Variants in TRIOBP observed in about 807,000 individuals in gnomAD.
TRIOBP encodes the protein TRIO and F-actin-binding protein.
A neutral mutation model predicts 238.8 loss-of-function variants in TRIOBP; 169 were observed. That is an observed-to-expected ratio of 0.71 (90% CI 0.62 to 0.80). The LOEUF is 0.80. Among genes scored for constraint, TRIOBP ranks in the 30% least tolerant of loss-of-function variants. TRIOBP has a pLI of 0.00. For missense variants in TRIOBP, 2,838 were observed against 3,122.6 expected (o/e 0.91, Z 2.17); for synonymous variants, 1,150 against 1,274.4 (o/e 0.90, Z 2.08).
intron 15 of TRIOBP, among the ~76,000 whole-genome samples, chr22:37,756,227 G>A (rs1179708947): frequency 6.6e-6 from 1 of 152,228 alleles, no homozygotes; most frequent in Non-Finnish European, 1.5e-5. Context: ...TTGGGAGGCT[G>A]AGATGGGAGG....
chr22:37,713,309 G>C lies in TRIOBP; in HGVS notation c.354G>C (p.Leu118=). 5.0e-6 allele frequency: 8 copies of C among 1,614,022 alleles called. No homozygotes were observed. Among genetic ancestry groups the C allele is most frequent in the Non-Finnish European group, 6.8e-6 (8 of 1,179,940 alleles). The part of the protein sequence containing the change: ...ELEAVPYLEG[L]TTSLCGSCNE... ...AGGCAGTACCCTATCTGGAGGGCCT[G>C]ACCACTTCCTTGTGTGGCAGCTGCA... Residue 118 remains leucine (L), a synonymous_variant, in exon 5 of 24, where the codon CTG becomes CTC. Transcript: ENST00000644935.
At chr22:37,731,996 C>CT (rs1453168403) in intron 7 of TRIOBP, among the ~76,000 whole-genome samples, 3 of 152,216 alleles carry the variant, frequency 2.0e-5, no homozygotes, top group African/African-American at 7.2e-5. Context: ...TCATACTTCC[C>CT]TTTTTGCTGC....
In TRIOBP at chr22:37,711,609, C is replaced by CA. The variant is rs1194726816; in HGVS notation, c.254+1052dup. Among the ~76,000 whole-genome samples, 485 of 128,208 alleles carry CA rather than the reference C, an allele frequency of 3.8e-3. 2 individuals are homozygous for CA. The highest frequency in any genetic ancestry group is 0.019 in the Middle Eastern group (5 of 268). 84.1% of individuals were successfully genotyped at this position (128,208 alleles called of 152,430 possible). A position where few individuals can be genotyped will look rare whatever the true frequency, so the allele number is the denominator to read the frequency against. On this transcript the variant is annotated intron_variant, in intron 4 of 23. Transcript: ENST00000644935. ...AAAAAAAAACAACAAAAAAAAAAAA[C>CA]AAAAAAAAACCCACAAAAAAACGAA...
At chr22:37,733,872 T>C (rs914373963) in intron 8 of TRIOBP, among the ~76,000 whole-genome samples, 1 of 152,146 alleles carries the variant, frequency 6.6e-6, no homozygotes, top group African/African-American at 2.4e-5. Flanking sequence ...GGTTTCACCA[T>C]GTTGGCCAGG....
At chr22:37,755,493 G>C (rs1276152972) in intron 14 of TRIOBP, 57 bp from the exon 15 acceptor site, 1 of 1,473,068 alleles carries the variant, frequency 6.8e-7, no homozygotes, top group African/African-American at 1.4e-5. Flanking sequence ...GGTCCATAGT[G>C]GGGAGGGAGT....
At chr22:37,772,812 C>T (rs377326071) in intron 23 of TRIOBP, 48 bp downstream of exon 23, 34 of 1,595,446 alleles carry the variant, frequency 2.1e-5, no homozygotes, top group African/African-American at 2.7e-5. Context: ...GGCTGAGGCT[C>T]TCCCACACCC....
Position 37,724,448 on chromosome 22 carries a change from G to A in TRIOBP, c.1892G>A (p.Arg631Gln), listed in dbSNP as rs539096864. ...AACCCCAGAACATCCTGTGCCCAGC[G>A]GGACAATCCCAGAGCCTCCTCTCCC... ...RDNPRTSCAQ[R>Q]DNPRASSPNR... Residue 631 changes from arginine to glutamine, a missense_variant, in exon 7 of 24, where the codon CGG becomes CAG. Around this residue, in one of 5 missense-constraint regions of TRIOBP, gnomAD observed 167 missense variants for 200.2 expected, o/e 0.83. Coordinates refer to ENST00000644935, the MANE Select transcript of TRIOBP (RefSeq NM_001039141.3). 7.1e-5 allele frequency: 114 copies of A among 1,610,412 alleles called. No homozygotes were observed. The highest frequency in any genetic ancestry group is 2.5e-4 in the Admixed American group (15 of 59,548).
intron 12 of TRIOBP, among the ~76,000 whole-genome samples, chr22:37,753,625 C>T (rs1219037486): frequency 6.6e-6 from 1 of 152,160 alleles, no homozygotes; most frequent in African/African-American, 2.4e-5. Flanking sequence ...AAGACTGAAG[C>T]TCAGAAAAGT....
intron 21 of TRIOBP, among the ~76,000 whole-genome samples, chr22:37,771,123 A>G (rs904662048): frequency 6.6e-6 from 1 of 152,200 alleles, no homozygotes; most frequent in Non-Finnish European, 1.5e-5. Context: ...CCATTTACAG[A>G]TGAGGAAACT....
intron 6 of TRIOBP, 52 bp downstream of exon 6, chr22:37,715,986 G>A (rs1923497185): frequency 6.2e-7 from 1 of 1,603,392 alleles, no homozygotes; most frequent in Non-Finnish European, 8.5e-7. Flanking sequence ...GGGCCCCCCA[G>A]ATAGCCATCT....
At chr22:37,729,079 C>T (rs753732149) in intron 7 of TRIOBP, among the ~76,000 whole-genome samples, 3 of 152,160 alleles carry the variant, frequency 2.0e-5, no homozygotes, top group Non-Finnish European at 4.4e-5. Flanking sequence ...CCACATCCGG[C>T]TAATTTTTTT....
At position 37,768,242 on chromosome 22, in the gene TRIOBP, C is replaced by G; in HGVS notation, c.6575+66C>G. ...ATGGGTTGAGGAACTTTGCTGAGGC[C>G]CCTTGGCAGCGGACACATCAGTTTG... On this transcript the variant is annotated intron_variant, in intron 19 of 23. Coordinates refer to ENST00000644935, the MANE Select transcript of TRIOBP (RefSeq NM_001039141.3). The G allele has an allele frequency of 3.7e-6, 5 of 1,340,532 alleles. No homozygotes were observed. In the South Asian group the frequency reaches 5.0e-5, roughly 13 times the overall value. The allele number at this position is 1,340,532 out of a possible 1,614,324, so 83.0% of individuals were successfully genotyped here.
chr22:37,746,234 T>A (rs1389973752), intron 11 of TRIOBP: 2 of 938,140 alleles, frequency 2.1e-6, no homozygotes, highest in East Asian at 8.2e-5. Context: ...AAAAAAAAAG[T>A]TTTATGGGCG....
chr22:37,705,775 C>T (rs560211344), intron 3 of TRIOBP, among the ~76,000 whole-genome samples: 1 of 152,174 alleles, frequency 6.6e-6, no homozygotes, highest in Non-Finnish European at 1.5e-5. Flanking sequence ...GGGGTTTCAC[C>T]ATGCCGCTCA....
chr22:37,717,105 TCC>T (rs1309412356), intron 6 of TRIOBP, among the ~76,000 whole-genome samples: 5 of 152,130 alleles, frequency 3.3e-5, no homozygotes, highest in Non-Finnish European at 5.9e-5. Flanking sequence ...TGGAGTTTCT[TCC>T]TTCTGGTGGG....
At chr22:37,730,444 C>T (rs537771904) in intron 7 of TRIOBP, among the ~76,000 whole-genome samples, 4 of 152,236 alleles carry the variant, frequency 2.6e-5, no homozygotes, top group African/African-American at 4.8e-5. Flanking sequence ...TGCATCCATC[C>T]GGAAGAGAAC....
chr22:37,707,955 A>G (rs2145816530), intron 3 of TRIOBP, among the ~76,000 whole-genome samples: 1 of 145,732 alleles, frequency 6.9e-6, no homozygotes, highest in South Asian at 2.2e-4. Context: ...AAAAAGAAAA[A>G]AAAAAAAAAG....
At chr22:37,747,577 C>T (rs1160432080) in intron 11 of TRIOBP, among the ~76,000 whole-genome samples, 2 of 152,188 alleles carry the variant, frequency 1.3e-5, no homozygotes, top group East Asian at 3.8e-4. Flanking sequence ...CCTGCTGGCC[C>T]TTCCTGTCGT....
intron 9 of TRIOBP, among the ~76,000 whole-genome samples, chr22:37,737,380 A>AGCTGG (rs1325768196): frequency 1.3e-5 from 2 of 151,976 alleles, no homozygotes; most frequent in African/African-American, 4.8e-5. Flanking sequence ...GGCTTGGCAC[A>AGCTGG]GCTGGGTGCA....
Sources: allele counts gnomAD v4.1 joint callset (sites outside exome capture counted in the v4.1 genomes callset), GRCh38; gene constraint gnomAD v4.1.1; regional missense constraint gnomAD v4.1.1; transcripts MANE v1.5; gene names NCBI Gene and HGNC (gene_info 2026-07-23, HGNC 2026-07-21).